GABBR2: variants seen among roughly 807,000 people sequenced by gnomAD.
GABBR2 encodes the protein G-protein coupled receptor 51.
A neutral mutation model predicts 105.6 loss-of-function variants in GABBR2; 23 were observed. That is an observed-to-expected ratio of 0.22 (90% CI 0.16 to 0.31). The LOEUF (loss-of-function observed/expected upper bound fraction) is 0.31, where lower values mean the gene tolerates loss of function less well. GABBR2 is among the 10% of genes least tolerant of loss of function. The pLI is 1.00. For synonymous variants in GABBR2, 478 were observed against 499.7 expected, an observed-to-expected ratio of 0.96 and a Z score of 0.58; for missense variants, 734 against 1,245.5, an observed-to-expected ratio of 0.59 and a Z score of 6.18.
At chr9:98,648,080 G>GGTGTGTGTGTGTGTGTGTGTGTGTGT (rs1554723457) in intron 1 of GABBR2, among the ~76,000 whole-genome samples, 8 of 68,016 alleles carry the variant, frequency 1.2e-4, no homozygotes, top group African/African-American at 2.6e-4. Context: ...AATCATACAG[G>GGTGTGTGTGTGTGTGTGTGTGTGTGT]GTGTGTGTGT....
At position 98,289,800 on chromosome 9, in the gene GABBR2, A is replaced by G. The variant is rs1325295523; in HGVS notation, c.*784T>C. 6.5e-6 allele frequency: 1 copy of G among 152,704 alleles called. No homozygotes were observed. The highest frequency in any genetic ancestry group is 6.5e-5 in the Admixed American group (1 of 15,294). 9.5% of individuals were successfully genotyped at this position (152,704 alleles called of 1,614,324 possible). A position where few individuals can be genotyped will look rare whatever the true frequency, so the allele number is the denominator to read the frequency against. ...CGATAGGAACACAAGGACATGGCCA[A>G]CGTGGTGGGTGCATGACAGACTGTC... On this transcript the variant is annotated 3_prime_UTR_variant, in exon 19 of 19. Transcript: ENST00000259455.
At chr9:98,332,014 T>A (rs1336112099) in intron 13 of GABBR2, among the ~76,000 whole-genome samples, 1 of 152,206 alleles carries the variant, frequency 6.6e-6, no homozygotes, top group African/African-American at 2.4e-5. Flanking sequence ...GATAGAGCTC[T>A]GTTGCCTATG....
At chr9:98,419,922 A>G (rs1832752945) in intron 7 of GABBR2, among the ~76,000 whole-genome samples, 1 of 151,924 alleles carries the variant, frequency 6.6e-6, no homozygotes, top group Admixed American at 6.6e-5. Context: ...GAATTTGGAG[A>G]AGTCTTGAGG....
intron 3 of GABBR2, among the ~76,000 whole-genome samples, chr9:98,500,679 G>A (rs1464859932): frequency 1.3e-5 from 2 of 152,206 alleles, no homozygotes; most frequent in Non-Finnish European, 2.9e-5. Context: ...AATAATCTGC[G>A]ATAAGAGGCT....
At chr9:98,295,158 A>G (rs975472546) in intron 17 of GABBR2, among the ~76,000 whole-genome samples, 3 of 152,226 alleles carry the variant, frequency 2.0e-5, no homozygotes, top group Admixed American at 6.5e-5. Context: ...CAATATTTCA[A>G]TGCTTTTGTG....
At chr9:98,641,702 T>C (rs1829964685) in intron 1 of GABBR2, among the ~76,000 whole-genome samples, 1 of 152,168 alleles carries the variant, frequency 6.6e-6, no homozygotes, top group Non-Finnish European at 1.5e-5. Context: ...TAATTTTAGG[T>C]AGAGGTCCTT....
intron 1 of GABBR2, among the ~76,000 whole-genome samples, chr9:98,608,913 T>G (rs1254523281): frequency 3.3e-5 from 5 of 152,158 alleles, no homozygotes; most frequent in Non-Finnish European, 7.4e-5. Flanking sequence ...TTATGGTAAG[T>G]AGCAGGGGGA....
intron 1 of GABBR2, among the ~76,000 whole-genome samples, chr9:98,706,321 G>T (rs535110273): frequency 4.6e-5 from 7 of 152,172 alleles, no homozygotes; most frequent in East Asian, 3.9e-4. Context: ...CCAGCTCAAG[G>T]TCATCCAGGG....
chr9:98,605,744 C>T (rs1188989141), intron 1 of GABBR2, among the ~76,000 whole-genome samples: 7 of 152,154 alleles, frequency 4.6e-5, no homozygotes, highest in South Asian at 2.1e-4. Flanking sequence ...ACCTGTAATT[C>T]GGGATAATGG....
intron 1 of GABBR2, among the ~76,000 whole-genome samples, chr9:98,702,892 C>G (rs1001651113): frequency 6.6e-5 from 10 of 152,194 alleles, no homozygotes; most frequent in African/African-American, 2.2e-4. Flanking sequence ...CATACCAACC[C>G]TTAATGGCCT....
chr9:98,532,865 C>G (rs1274518029), intron 3 of GABBR2, among the ~76,000 whole-genome samples: 1 of 152,110 alleles, frequency 6.6e-6, no homozygotes, highest in African/African-American at 2.4e-5. Context: ...CCCAGGATGA[C>G]AAATTCAGGA....
intron 2 of GABBR2, among the ~76,000 whole-genome samples, chr9:98,576,683 A>G (rs1307377072): frequency 6.6e-6 from 1 of 152,238 alleles, no homozygotes; most frequent in African/African-American, 2.4e-5. Flanking sequence ...AAATTAAAAG[A>G]GTTCACGCAG....
At chr9:98,464,530 G>C (rs1251655207) in intron 6 of GABBR2, among the ~76,000 whole-genome samples, 1 of 150,942 alleles carries the variant, frequency 6.6e-6, no homozygotes, top group Non-Finnish European at 1.5e-5. Flanking sequence ...TGGGAGGTGG[G>C]GGGCGCCTCT....
At chr9:98,444,879 G>GCGCA (rs939018102) in intron 7 of GABBR2, among the ~76,000 whole-genome samples, 66 of 151,040 alleles carry the variant, frequency 4.4e-4, no homozygotes, top group African/African-American at 7.3e-4. Context: ...GCGCGCGCGC[G>GCGCA]CACACACACA....
At chr9:98,599,698 G>A (rs1288521302) in intron 1 of GABBR2, among the ~76,000 whole-genome samples, 1 of 152,222 alleles carries the variant, frequency 6.6e-6, no homozygotes, top group Non-Finnish European at 1.5e-5. Context: ...GGTATACAGT[G>A]ACCTGCCCAA....
intron 7 of GABBR2, among the ~76,000 whole-genome samples, chr9:98,417,676 G>A (rs1198663752): frequency 1.3e-5 from 2 of 152,144 alleles, no homozygotes; most frequent in Admixed American, 6.5e-5. Context: ...GTGTTACAAT[G>A]AAAAAGACAA....
At chr9:98,371,374 A>G in intron 12 of GABBR2, 90 bp downstream of exon 12, 2 of 732,968 alleles carry the variant, frequency 2.7e-6, no homozygotes, top group Non-Finnish European at 4.8e-6. Context: ...TCCCCAGCAA[A>G]TAGCTCAGTG....
At chr9:98,402,725 A>C (rs1441781745) in intron 8 of GABBR2, among the ~76,000 whole-genome samples, 1 of 152,132 alleles carries the variant, frequency 6.6e-6, no homozygotes, top group Non-Finnish European at 1.5e-5. Context: ...GCCTCACCCA[A>C]GGGGAAAGGA....
intron 13 of GABBR2, among the ~76,000 whole-genome samples, chr9:98,346,230 C>T (rs1251492668): frequency 6.6e-6 from 1 of 152,180 alleles, no homozygotes; most frequent in Non-Finnish European, 1.5e-5. Flanking sequence ...TAGCATTTTA[C>T]CCACAGTAGA....
Sources: allele counts gnomAD v4.1 joint callset (sites outside exome capture counted in the v4.1 genomes callset), GRCh38; gene constraint gnomAD v4.1.1; transcripts MANE v1.5; gene names NCBI Gene and HGNC (gene_info 2026-07-23, HGNC 2026-07-21).